The following NR3C2 variants were observed in gnomAD, a reference collection of about 807,000 sequenced individuals.
NR3C2 encodes mineralocorticoid receptor.
In NR3C2, 15 loss-of-function variants were observed where a neutral mutation model predicts 86.4. That is an observed-to-expected ratio of 0.17 (90% CI 0.12 to 0.27). NR3C2 has a LOEUF of 0.27. Ranked by LOEUF, NR3C2 falls within the 10% of genes least tolerant of loss-of-function variation. The probability of loss-of-function intolerance (pLI) is 1.00; values close to 1 mark genes in which losing one functional copy is unlikely to be tolerated. For synonymous variants in NR3C2, 458 were observed against 450.5 expected (o/e 1.02, Z -0.21); for missense variants, 960 against 1,195.6 (o/e 0.80, Z 2.91).
intron 2 of NR3C2, among the ~76,000 whole-genome samples, chr4:148,296,193 T>C (rs1742045973): frequency 6.6e-6 from 1 of 152,122 alleles, no homozygotes; most frequent in Non-Finnish European, 1.5e-5. Context: ...ATGTCTATCA[T>C]TTTAAAAGAT....
rs1467564621 is a variant in NR3C2, at chr4:148,152,594, A to G, written c.2385T>C (p.Leu795=). The change falls in exon 6 of 9, where the codon CTT becomes CTC. Residue 795 remains leucine (L), a synonymous_variant. Coordinates refer to ENST00000358102, the MANE Select transcript of NR3C2 (RefSeq NM_000901.5). ...ACTGGATTAGGGTAATTTGGTCCTCAAGAGGCAAGTTTTTAAATCCTGAAG... is the reference window on the plus strand; with the variant it reads ...ACTGGATTAGGGTAATTTGGTCCTCGAGAGGCAAGTTTTTAAATCCTGAAG... ...KVLPGFKNLP[L]EDQITLIQYS... The G allele has an allele frequency of 3.1e-6, 5 of 1,613,964 alleles. No homozygotes were observed. In the African/African-American group the frequency reaches 6.7e-5, roughly 22 times the overall value.
intron 3 of NR3C2, among the ~76,000 whole-genome samples, chr4:148,196,486 T>C (rs1736448230): frequency 2.0e-5 from 3 of 152,244 alleles, no homozygotes; most frequent in Middle Eastern, 6.8e-3. Context: ...TGAAGAGTCA[T>C]GGGTTATTGA....
chr4:148,122,677 G>A lies in NR3C2; in HGVS notation c.2511-2389C>T, dbSNP rs1001218176. Reference sequence around the variant, plus strand: ...CCGAACGGAGGGACTGGCTGGAGCCGTGGCAGAGGAACATAAATTGTGAAG... The same window carrying A: ...CCGAACGGAGGGACTGGCTGGAGCCATGGCAGAGGAACATAAATTGTGAAG... On this transcript the variant is annotated intron_variant, in intron 6 of 8. Transcript: ENST00000358102. 1.2e-4 allele frequency among the ~76,000 whole-genome samples: 18 copies of A among 152,302 alleles called. 1 individual carries two copies. Among genetic ancestry groups the A allele is most frequent in the Middle Eastern group, 3.4e-3 (1 of 294 alleles).
chr4:148,291,412 G>T (rs951790413), intron 2 of NR3C2, among the ~76,000 whole-genome samples: 1 of 151,992 alleles, frequency 6.6e-6, no homozygotes, highest in Non-Finnish European at 1.5e-5. Flanking sequence ...TGAAATCTTA[G>T]AGAACTGCTT....
chr4:148,381,317 G>A (rs1746977681), intron 2 of NR3C2, among the ~76,000 whole-genome samples: 1 of 152,054 alleles, frequency 6.6e-6, no homozygotes, highest in Non-Finnish European at 1.5e-5. Flanking sequence ...GTAGTAAATG[G>A]TGTAAGTGAG....
intron 2 of NR3C2, among the ~76,000 whole-genome samples, chr4:148,421,416 T>A (rs1303027055): frequency 6.6e-6 from 1 of 152,252 alleles, no homozygotes; most frequent in Non-Finnish European, 1.5e-5. Context: ...TCTGTCTTAA[T>A]ATAGTCTTTC....
chr4:148,260,732 C>CA (rs1377180451), intron 2 of NR3C2, among the ~76,000 whole-genome samples: 1 of 151,986 alleles, frequency 6.6e-6, no homozygotes, highest in Non-Finnish European at 1.5e-5. Context: ...AATAATAAAA[C>CA]AAAAAACCAA....
intron 2 of NR3C2, among the ~76,000 whole-genome samples, chr4:148,278,845 C>T (rs1166410069): frequency 6.6e-6 from 1 of 151,890 alleles, no homozygotes; most frequent in Non-Finnish European, 1.5e-5. Context: ...AAAATGCAAA[C>T]TACTCACCAA....
rs1185805584 is a variant in NR3C2, at chr4:148,220,986, A to G, written c.1898-26124T>C. Among the ~76,000 whole-genome samples the G allele has an allele frequency of 2.6e-5, 4 of 152,240 alleles. No individual in the cohort carries two copies. The East Asian group carries it at 5.8e-4, about 22-fold the overall frequency. ...GAGGCCCTTGCCATCACATGCTAAGAGGAGTAAAATGAAGAAGCTAGCAAC... is the reference window on the plus strand; with the variant it reads ...GAGGCCCTTGCCATCACATGCTAAGGGGAGTAAAATGAAGAAGCTAGCAAC... On this transcript the variant is annotated intron_variant, in intron 3 of 8. Transcript: ENST00000358102.
chr4:148,321,764 A>T (rs1033432675), intron 2 of NR3C2, among the ~76,000 whole-genome samples: 2 of 152,056 alleles, frequency 1.3e-5, no homozygotes, highest in African/African-American at 4.8e-5. Flanking sequence ...TTTTGAGCCT[A>T]TGTGTGTCTC....
chr4:148,221,926 A>G (rs560317105), intron 3 of NR3C2, among the ~76,000 whole-genome samples: 2 of 151,612 alleles, frequency 1.3e-5, no homozygotes, highest in Non-Finnish European at 2.9e-5. Context: ...AAAGTGCTAC[A>G]ATCTCAATCT....
intron 3 of NR3C2, among the ~76,000 whole-genome samples, chr4:148,221,064 A>G (rs1737813383): frequency 1.3e-5 from 2 of 152,214 alleles, no homozygotes. Flanking sequence ...TGATGAGATT[A>G]TTGTTGAAAA....
chr4:148,422,042 C>T lies in NR3C2; in HGVS notation c.1757+13062G>A, dbSNP rs72658662. 2.6e-3 allele frequency among the ~76,000 whole-genome samples: 393 copies of T among 152,196 alleles called. 3 individuals are homozygous for T. Among genetic ancestry groups the T allele is most frequent in the African/African-American group, 9.0e-3 (374 of 41,518 alleles). ...TACAAATGTAGGAGCTTTAGGTTTT[C>T]ACAATGAAAGGTTGCTATGCTTATA... On this transcript the variant is annotated intron_variant, in intron 2 of 8. Coordinates refer to ENST00000358102, the MANE Select transcript of NR3C2 (RefSeq NM_000901.5).
At chr4:148,173,753 A>G (rs1172140140) in intron 4 of NR3C2, among the ~76,000 whole-genome samples, 1 of 152,246 alleles carries the variant, frequency 6.6e-6, no homozygotes, top group Non-Finnish European at 1.5e-5. Context: ...TGTGTCTGGC[A>G]CAAATGAGAG....
chr4:148,246,500 A>T (rs1024817895), intron 3 of NR3C2, among the ~76,000 whole-genome samples: 3 of 152,204 alleles, frequency 2.0e-5, no homozygotes, highest in Non-Finnish European at 4.4e-5. Flanking sequence ...GCAACTGAGG[A>T]TCTTCAAATA....
chr4:148,155,299 A>G (rs999731343), intron 4 of NR3C2, among the ~76,000 whole-genome samples: 1 of 152,228 alleles, frequency 6.6e-6, no homozygotes, highest in African/African-American at 2.4e-5. Flanking sequence ...AGGGTATTCA[A>G]TTAGGAAAAG....
At chr4:148,283,969 T>C (rs1237221325) in intron 2 of NR3C2, among the ~76,000 whole-genome samples, 1 of 152,164 alleles carries the variant, frequency 6.6e-6, no homozygotes, top group Non-Finnish European at 1.5e-5. Context: ...CAAAGTATCA[T>C]ATACTAATTC....
intron 2 of NR3C2, among the ~76,000 whole-genome samples, chr4:148,388,521 A>C (rs1007442712): frequency 6.6e-6 from 1 of 152,346 alleles, no homozygotes; most frequent in African/African-American, 2.4e-5. Context: ...TGAACATTTC[A>C]ATCTTCCAAA....
chr4:148,360,370 T>C (rs1019136489), intron 2 of NR3C2, among the ~76,000 whole-genome samples: 16 of 152,188 alleles, frequency 1.1e-4, no homozygotes, highest in Admixed American at 2.6e-4. Context: ...TAAAAGTGGA[T>C]CATAGCAACA....
Sources: gnomAD v4.1 joint callset for allele counts (sites outside exome capture counted in the v4.1 genomes callset) on GRCh38, gnomAD v4.1.1 for gene constraint, MANE v1.5 for transcripts, NCBI Gene and HGNC (gene_info 2026-07-23, HGNC 2026-07-21) for gene names.